The following CTNNA3 variants were observed in gnomAD, a reference collection of about 807,000 sequenced individuals.
The protein encoded by CTNNA3 is catenin alpha-3.
In CTNNA3, 76 loss-of-function variants were observed where a neutral mutation model predicts 95.7. That is an observed-to-expected ratio of 0.79 (90% confidence interval 0.66 to 0.96). The LOEUF is 0.96. Among genes scored for constraint, CTNNA3 ranks in the 40% least tolerant of loss-of-function variants. The pLI, the probability that CTNNA3 is intolerant of heterozygous loss-of-function variation, is 0.00. For synonymous variants in CTNNA3, 431 were observed against 374.4 expected, an observed-to-expected ratio of 1.15 and a Z score of -1.74; for missense variants, 1,191 against 1,089.8, an observed-to-expected ratio of 1.09 and a Z score of -1.31.
At chr10:66,802,746 G>C (rs1841479474) in intron 7 of CTNNA3, among the ~76,000 whole-genome samples, 1 of 150,126 alleles carries the variant, frequency 6.7e-6, no homozygotes, top group African/African-American at 2.4e-5. Context: ...ATGCCCTTCA[G>C]CATGAGAATG....
At chr10:67,699,758 C>T (rs919806024), upstream of CTNNA3, among the ~76,000 whole-genome samples, 19 of 152,320 alleles carry the variant, frequency 1.2e-4, no homozygotes, top group African/African-American at 4.6e-4. Flanking sequence ...CTAGGGAGTG[C>T]CAGACAGTGG....
intron 5 of CTNNA3, among the ~76,000 whole-genome samples, chr10:67,301,772 T>C (rs1840285168): frequency 6.6e-6 from 1 of 151,866 alleles, no homozygotes; most frequent in South Asian, 2.1e-4. Flanking sequence ...ATGGAGACCA[T>C]CCTGGCTAAC....
chr10:67,000,341 T>C (rs760006565), intron 7 of CTNNA3, among the ~76,000 whole-genome samples: 21 of 152,164 alleles, frequency 1.4e-4, no homozygotes, highest in Non-Finnish European at 2.4e-4. Context: ...GCTGACCCAA[T>C]AGACAAGACA....
chr10:66,736,989 A>G (rs1226433074), intron 9 of CTNNA3, among the ~76,000 whole-genome samples: 1 of 152,196 alleles, frequency 6.6e-6, no homozygotes, highest in Non-Finnish European at 1.5e-5. Context: ...CTTGATTATG[A>G]TGACTGGTAA....
At chr10:67,359,231 C>A (rs1226994957) in intron 5 of CTNNA3, among the ~76,000 whole-genome samples, 2 of 144,014 alleles carry the variant, frequency 1.4e-5, no homozygotes, top group African/African-American at 2.6e-5. Context: ...ATTCAAATGA[C>A]ATAACTTTAA....
intron 13 of CTNNA3, among the ~76,000 whole-genome samples, chr10:66,113,055 T>C (rs1490176977): frequency 1.3e-5 from 2 of 152,208 alleles, no homozygotes. Context: ...TACTATTTTT[T>C]AAAGCAGTTG....
chr10:65,954,789 C>A (rs1044308218), intron 17 of CTNNA3, among the ~76,000 whole-genome samples: 2 of 152,106 alleles, frequency 1.3e-5, no homozygotes, highest in African/African-American at 4.8e-5. Context: ...GTTACTGTAG[C>A]CTTGTAGCAT....
At chr10:67,711,449 T>C (rs1399348780) in intron 1 of CTNNA3, among the ~76,000 whole-genome samples, 1 of 152,172 alleles carries the variant, frequency 6.6e-6, no homozygotes, top group Non-Finnish European at 1.5e-5. Flanking sequence ...AGATAGGAAC[T>C]GGAGAAAAGG....
At chr10:66,541,189 T>C (rs1331646763) in intron 10 of CTNNA3, among the ~76,000 whole-genome samples, 5 of 152,152 alleles carry the variant, frequency 3.3e-5, no homozygotes, top group Non-Finnish European at 7.4e-5. Flanking sequence ...CATCATTGTA[T>C]AGGTGTGGCT....
chr10:67,709,124 G>A (rs190110262), intron 1 of CTNNA3, among the ~76,000 whole-genome samples: 1 of 152,190 alleles, frequency 6.6e-6, no homozygotes, highest in Admixed American at 6.5e-5. Context: ...GATAGATAAG[G>A]ATGCACTGTT....
intron 7 of CTNNA3, among the ~76,000 whole-genome samples, chr10:66,966,643 G>A (rs899918487): frequency 1.3e-5 from 2 of 152,034 alleles, no homozygotes; most frequent in African/African-American, 4.8e-5. Flanking sequence ...GGGGGAAGCA[G>A]TGGCTACATT....
chr10:66,458,917 T>A (rs1397704268), intron 11 of CTNNA3, among the ~76,000 whole-genome samples: 1 of 152,162 alleles, frequency 6.6e-6, no homozygotes, highest in Non-Finnish European at 1.5e-5. Flanking sequence ...GTGTCCTGGC[T>A]TTCAATTATT....
At chr10:67,670,216 C>A (rs1333169191) in intron 1 of CTNNA3, among the ~76,000 whole-genome samples, 2 of 152,164 alleles carry the variant, frequency 1.3e-5, no homozygotes, top group Non-Finnish European at 2.9e-5. Flanking sequence ...GGAAGGAAAT[C>A]CTTTTCTCCC....
chr10:66,528,432 G>A (rs934643834), intron 10 of CTNNA3, among the ~76,000 whole-genome samples: 12 of 152,150 alleles, frequency 7.9e-5, no homozygotes, highest in Non-Finnish European at 1.8e-4. Flanking sequence ...AGGATTTTCA[G>A]ACTGTCTCAA....
chr10:67,488,098 C>T (rs184492860), intron 5 of CTNNA3, among the ~76,000 whole-genome samples: 34 of 152,010 alleles, frequency 2.2e-4, no homozygotes, highest in African/African-American at 4.8e-4. Flanking sequence ...CGTTGAGTTT[C>T]GAAATTGGAG....
At chr10:67,341,071 A>C (rs1842166249) in intron 5 of CTNNA3, among the ~76,000 whole-genome samples, 2 of 152,292 alleles carry the variant, frequency 1.3e-5, no homozygotes, top group East Asian at 3.9e-4. Flanking sequence ...TTGTGGGTAC[A>C]TAGTAGGTAT....
intron 7 of CTNNA3, among the ~76,000 whole-genome samples, chr10:66,956,068 G>GTT (rs988496195): frequency 6.6e-6 from 1 of 152,098 alleles, no homozygotes; most frequent in African/African-American, 2.4e-5. Context: ...ATGGCATTTG[G>GTT]TTTTGTTCTT....
At chr10:66,067,682 C>T (rs2080341000) in intron 15 of CTNNA3, among the ~76,000 whole-genome samples, 1 of 152,070 alleles carries the variant, frequency 6.6e-6, no homozygotes, top group Non-Finnish European at 1.5e-5. Flanking sequence ...CTTTGGGAGG[C>T]TGAGGCGGGC....
rs561475821 is a variant in CTNNA3 at position 66,081,449 on chromosome 10, T to A, written c.1978-11960A>T. On this transcript the variant is annotated intron_variant, in intron 14 of 17. Coordinates refer to ENST00000433211, the MANE Select transcript of CTNNA3 (RefSeq NM_013266.4). The stretch of plus-strand genomic sequence containing the variant: ...CAACATAGCAAGACCCCATCTGTAA[T>A]AATAATCATGAAATAGGAAAAAAGT... Among the ~76,000 whole-genome samples, 3 of 151,776 alleles carry A rather than the reference T, an allele frequency of 2.0e-5. No individual in the cohort carries two copies. The South Asian group carries it at 6.2e-4, about 32-fold the overall frequency.
Sources: allele counts gnomAD v4.1 joint callset (sites outside exome capture counted in the v4.1 genomes callset), GRCh38; gene constraint gnomAD v4.1.1; transcripts MANE v1.5; gene names NCBI Gene and HGNC (gene_info 2026-07-23, HGNC 2026-07-21).